The following F9 variants were observed in gnomAD, a reference collection of about 807,000 sequenced individuals.
F9 encodes the protein Christmas factor.
F9 carries 2 observed loss-of-function variants against 34.1 expected under a neutral mutation model. The observed-to-expected ratio is 0.06, with a 90% CI of 0.02 to 0.18. F9 has a LOEUF of 0.18. Among genes scored for constraint, F9 ranks in the 10% least tolerant of loss-of-function variants. F9 has a pLI of 1.00. For missense variants in F9, 216 were observed against 345.1 expected (o/e 0.63, Z 2.96); for synonymous variants, 137 against 118.8 (o/e 1.15, Z -1.00).
chrX:139,548,136 CCAAT>C (rs1165954007), intron 4 of F9, among the ~76,000 whole-genome samples: 1 of 111,516 alleles, frequency 9.0e-6, no homozygotes, highest in East Asian at 2.8e-4. Flanking sequence ...TAGTTTTAAA[CCAAT>C]CAATTATAGT....
chrX:139,541,311 A>G (rs755251755), intron 4 of F9, 122 bp downstream of exon 4: 8 of 411,357 alleles, frequency 1.9e-5, no homozygotes, highest in African/African-American at 1.8e-4. Context: ...ATGCTTATAA[A>G]CATTTCATTT....
At chrX:139,531,834 G>T (rs1272676490) in intron 1 of F9, among the ~76,000 whole-genome samples, 2 of 112,249 alleles carry the variant, frequency 1.8e-5, no homozygotes. Flanking sequence ...GATGTCAGCT[G>T]TGAAATCAGA....
chrX:139,545,416 C>T (rs968827551), intron 4 of F9, among the ~76,000 whole-genome samples: 7 of 111,399 alleles, frequency 6.3e-5, no homozygotes, highest in African/African-American at 1.6e-4. Context: ...AGGGAAAGCA[C>T]AGTAATTAGA....
intron 3 of F9, among the ~76,000 whole-genome samples, chrX:139,538,107 C>G (rs1927525559): frequency 9.0e-6 from 1 of 111,717 alleles, no homozygotes; most frequent in Non-Finnish European, 1.9e-5. Flanking sequence ...GAGCTTTTCA[C>G]CATCTAATGT....
In F9 at chrX:139,537,259, C is replaced by G. The variant is rs4149679; in HGVS notation, c.252+86C>G. ...GACACTTCTCTTTAAAATTTTAAAG[C>G]ATCCATATATATTTATGTATGTTAA... On this transcript the variant is annotated intron_variant, in intron 2 of 7. Coordinates refer to ENST00000218099, the MANE Select transcript of F9 (RefSeq NM_000133.4). The G allele has an allele frequency of 2.8e-3, 3,109 of 1,104,724 alleles. 53 individuals are homozygous for G. In the African/African-American group the frequency reaches 0.051, roughly 18 times the overall value. The allele number at this position is 1,104,724 out of a possible 1,213,427, so 91.0% of individuals were successfully genotyped here.
chrX:139,553,291 T>G (rs1473705016), intron 6 of F9, among the ~76,000 whole-genome samples: 7 of 111,903 alleles, frequency 6.3e-5, no homozygotes, highest in Non-Finnish European at 1.3e-4. Flanking sequence ...AACTCTGTAA[T>G]ATTGACCTTC....
chrX:139,546,730 C>T (rs193294496), intron 4 of F9, among the ~76,000 whole-genome samples: 68 of 111,154 alleles, frequency 6.1e-4, no homozygotes, highest in East Asian at 2.8e-3. Flanking sequence ...AAAAATTAGA[C>T]GCTTAGTAAT....
chrX:139,562,738 T>C lies in F9; in HGVS notation c.*667T>C, dbSNP rs2148368716. 1 of 109,126 alleles carries C rather than the reference T, an allele frequency of 9.2e-6. No homozygotes were observed. Among genetic ancestry groups the C allele is most frequent in the East Asian group, 2.9e-4 (1 of 3,477 alleles). The allele number at this position is 109,126 out of a possible 1,213,427, so 9.0% of individuals were successfully genotyped here. A position where few individuals can be genotyped will look rare whatever the true frequency, so the allele number is the denominator to read the frequency against. Reference sequence around the variant, plus strand: ...TTCTGTACACAGTTATACATGTCTATCAAACCCAGACTTGCTTCCGTAGTG... The same window carrying C: ...TTCTGTACACAGTTATACATGTCTACCAAACCCAGACTTGCTTCCGTAGTG... On this transcript the variant is annotated 3_prime_UTR_variant, in exon 8 of 8. Coordinates refer to ENST00000218099, the MANE Select transcript of F9 (RefSeq NM_000133.4).
Position 139,530,916 on chromosome X carries a change from C to A in F9, c.88+64C>A, listed in dbSNP as rs1927331995. On this transcript the variant is annotated intron_variant, in intron 1 of 7. Transcript: ENST00000218099. Reference sequence around the variant, plus strand: ...CTTTTAGATATAGAAATATCTGATGCTGTCTTCTTCACTAAATTTTGATTA... The same window carrying A: ...CTTTTAGATATAGAAATATCTGATGATGTCTTCTTCACTAAATTTTGATTA... 5.5e-6 allele frequency: 5 copies of A among 910,196 alleles called. No individual in the cohort carries two copies. In the East Asian group the frequency reaches 1.5e-4, roughly 28 times the overall value. The allele number at this position is 910,196 out of a possible 1,213,427, so 75.0% of individuals were successfully genotyped here.
intron 4 of F9, among the ~76,000 whole-genome samples, chrX:139,543,121 C>T (rs916844571): frequency 9.2e-6 from 1 of 108,584 alleles, no homozygotes; most frequent in Non-Finnish European, 1.9e-5. Flanking sequence ...GCATCTCGGC[C>T]CCAAGTCTTT....
chrX:139,544,712 C>T (rs1488734288), intron 4 of F9: 1 of 111,286 alleles, frequency 9.0e-6, no homozygotes, highest in Non-Finnish European at 1.9e-5. Context: ...AAGAGTGAGG[C>T]AGAAAGGAAA....
chrX:139,551,120 G>T lies in F9; in HGVS notation c.579G>T (p.Glu193Asp). ...VSQTSKLTRA[E>D]TVFPDVDYVN... ...AAACTTCTAAGCTCACCCGTGCTGA[G>T]ACTGTTTTTCCTGATGTGGACTATG... Residue 193 changes from glutamate to aspartate, a missense_variant, in exon 6 of 8, where the codon GAG (glutamate) becomes GAT (aspartate). Transcript: ENST00000218099. 8.3e-7 allele frequency: 1 copy of T among 1,211,554 alleles called. No homozygotes were observed. Among genetic ancestry groups the T allele is most frequent in the Non-Finnish European group, 1.1e-6 (1 of 895,198 alleles).
chrX:139,552,078 C>T (rs1158055331), intron 6 of F9, among the ~76,000 whole-genome samples: 1 of 111,116 alleles, frequency 9.0e-6, no homozygotes, highest in Non-Finnish European at 1.9e-5. Context: ...CCTGTGCTCC[C>T]AGCTATTCAG....
intron 1 of F9, 40 bp downstream of exon 1, chrX:139,530,892 T>C: frequency 9.7e-7 from 1 of 1,034,714 alleles, no homozygotes; most frequent in African/African-American, 1.8e-5. Flanking sequence ...TATGCTTGCC[T>C]TTTAGATATA....
chrX:139,546,950 A>T (rs905961612), intron 4 of F9, among the ~76,000 whole-genome samples: 79 of 111,960 alleles, frequency 7.1e-4, no homozygotes, highest in African/African-American at 2.4e-3. Flanking sequence ...GTCGGGCAGG[A>T]TTCATAAGCT....
chrX:139,552,576 C>T (rs1927870580), intron 6 of F9, among the ~76,000 whole-genome samples: 1 of 112,013 alleles, frequency 8.9e-6, no homozygotes, highest in South Asian at 3.7e-4. Context: ...TTTAAATTAA[C>T]TACAATTAAG....
intron 6 of F9, 108 bp from the exon 7 acceptor site, chrX:139,560,633 C>A: frequency 1.8e-6 from 1 of 553,868 alleles, no homozygotes; most frequent in Non-Finnish European, 3.2e-6. Context: ...CCATTTCTGC[C>A]AGCACCTAGA....
chrX:139,550,334 GA>G lies in F9; in HGVS notation c.521-726del, dbSNP rs201819353. Among the ~76,000 whole-genome samples the G allele has an allele frequency of 8.5e-3, 958 of 112,195 alleles. 8 individuals are homozygous for G. The highest frequency in any genetic ancestry group is 0.03 in the African/African-American group (918 of 30,934). Reference sequence around the variant, plus strand: ...TTGCTATAGAAATGTCTGTTACAAGGAATGTGGCTTGAAGGAAAGTGATAAA... The same window carrying G: ...TTGCTATAGAAATGTCTGTTACAAGGATGTGGCTTGAAGGAAAGTGATAAA... On this transcript the variant is annotated intron_variant, in intron 5 of 7. Coordinates refer to ENST00000218099, the MANE Select transcript of F9 (RefSeq NM_000133.4).
rs921828129 is a variant in F9, at chrX:139,537,482, T to C, written c.277+96T>C. On this transcript the variant is annotated intron_variant, in intron 3 of 7. Transcript: ENST00000218099. Reference sequence around the variant, plus strand: ...TAAATAGATAATATATTAAACTTTGTCAAAAGGACTCAGAAAGATCAGTCC... The same window carrying C: ...TAAATAGATAATATATTAAACTTTGCCAAAAGGACTCAGAAAGATCAGTCC... The C allele has an allele frequency of 4.6e-5, 33 of 713,624 alleles. No individual in the cohort carries two copies. The African/African-American group carries it at 6.0e-4, about 13-fold the overall frequency. 58.8% of individuals were successfully genotyped at this position (713,624 alleles called of 1,213,427 possible).
Sources: allele counts gnomAD v4.1 joint callset (sites outside exome capture counted in the v4.1 genomes callset), GRCh38; gene constraint gnomAD v4.1.1; transcripts MANE v1.5; gene names NCBI Gene and HGNC (gene_info 2026-07-23, HGNC 2026-07-21).